The following CTPS1 variants were observed in gnomAD, a reference collection of about 807,000 sequenced individuals.
CTPS1 encodes CTP synthetase 1.
Under a neutral mutation model 80.5 loss-of-function variants are expected in CTPS1, and 25 were observed. That is an observed-to-expected ratio of 0.31 (90% CI 0.23 to 0.43). CTPS1 has a LOEUF of 0.43. CTPS1 is among the 20% of genes least tolerant of loss of function. CTPS1 has a pLI of 1.00. For missense variants in CTPS1, 442 were observed against 725.7 expected, an observed-to-expected ratio of 0.61 and a Z score of 4.49; for synonymous variants, 267 against 252.5, an observed-to-expected ratio of 1.06 and a Z score of -0.54.
Position 40,984,891 on chromosome 1 carries a change from C to T in CTPS1, c.237C>T (p.Asp79=). The T allele has an allele frequency of 1.2e-6, 2 of 1,606,032 alleles. No homozygotes were observed. The highest frequency in any genetic ancestry group is 1.7e-5 in the Admixed American group (1 of 59,312). ...LDLGNYERFL[D]IRLTKDNNLT... is the part of the protein sequence containing the mutation. ...TGGGTAACTATGAGCGGTTCCTTGACATCCGCCTCACCAAGGACAATAATC... is the reference window on the plus strand; with the variant it reads ...TGGGTAACTATGAGCGGTTCCTTGATATCCGCCTCACCAAGGACAATAATC... Residue 79 remains aspartate (D), a synonymous_variant, in exon 3 of 19, where the codon GAC becomes GAT. Transcript: ENST00000650070.
At chr1:41,009,657 T>C in intron 17 of CTPS1, 68 bp downstream of exon 17, 1 of 1,567,994 alleles carries the variant, frequency 6.4e-7, no homozygotes, top group South Asian at 1.1e-5. Context: ...GCTGATTCAT[T>C]ACAGCAACAC....
intron 13 of CTPS1, among the ~76,000 whole-genome samples, chr1:41,006,666 T>G (rs1480485860): frequency 1.3e-5 from 2 of 152,096 alleles, no homozygotes; most frequent in African/African-American, 4.8e-5. Flanking sequence ...TTAATCACCT[T>G]TGAATTCCCA....
At chr1:41,009,310 T>C (rs566259262) in intron 16 of CTPS1, 135 bp from the exon 17 acceptor site, 5 of 932,580 alleles carry the variant, frequency 5.4e-6, no homozygotes, top group Non-Finnish European at 7.8e-6. Context: ...GTTCCCTTTA[T>C]CTAGATTCAA....
chr1:41,010,917 G>T (rs747981245), intron 18 of CTPS1, among the ~76,000 whole-genome samples: 9 of 152,238 alleles, frequency 5.9e-5, no homozygotes, highest in Non-Finnish European at 1.3e-4. Context: ...TGTGTTGGCA[G>T]AAGTACGCAT....
At chr1:41,008,103 C>CT (rs1643080105) in intron 14 of CTPS1, among the ~76,000 whole-genome samples, 1 of 152,180 alleles carries the variant, frequency 6.6e-6, no homozygotes, top group African/African-American at 2.4e-5. Flanking sequence ...GCTGGAGTCA[C>CT]TTGAGTATCG....
chr1:40,991,135 A>AG, intron 5 of CTPS1, 30 bp from the exon 6 acceptor site: 6 of 1,331,196 alleles, frequency 4.5e-6, no homozygotes, highest in Non-Finnish European at 5.3e-6. Flanking sequence ...AGGGAAACTA[A>AG]CTTTTTTTTT....
chr1:40,998,146 C>T (rs923654288), intron 9 of CTPS1, among the ~76,000 whole-genome samples: 2 of 152,096 alleles, frequency 1.3e-5, no homozygotes, highest in Non-Finnish European at 2.9e-5. Flanking sequence ...TGCCTGTAAT[C>T]CCAGCACTTT....
intron 15 of CTPS1, 35 bp downstream of exon 15, chr1:41,008,749 T>C (rs745869354): frequency 4.3e-6 from 7 of 1,613,928 alleles, no homozygotes; most frequent in Non-Finnish European, 8.5e-7. Flanking sequence ...TCTGGAAAGA[T>C]AGTGAGCTGA....
intron 5 of CTPS1, among the ~76,000 whole-genome samples, chr1:40,990,552 A>G (rs1642577384): frequency 1.3e-5 from 2 of 152,002 alleles, no homozygotes; most frequent in Non-Finnish European, 2.9e-5. Context: ...TGGGAGGCAG[A>G]GGTGGGAGGA....
intron 4 of CTPS1, among the ~76,000 whole-genome samples, chr1:40,988,072 C>T (rs544169454): frequency 2.6e-5 from 4 of 152,154 alleles, no homozygotes; most frequent in Non-Finnish European, 4.4e-5. Flanking sequence ...CCACCATGCC[C>T]GGCTAGTTTT....
At chr1:40,993,058 CT>C (rs917349446) in intron 7 of CTPS1, among the ~76,000 whole-genome samples, 7 of 149,036 alleles carry the variant, frequency 4.7e-5, no homozygotes, top group African/African-American at 1.5e-4. Flanking sequence ...AGATTTTTTG[CT>C]TTTTTTTTGA....
intron 1 of CTPS1, chr1:40,982,020 TTG>T (rs1642321367): frequency 7.8e-7 from 1 of 1,288,742 alleles, no homozygotes; most frequent in African/African-American, 1.5e-5. Context: ...TACTTTCTAA[TTG>T]TGTTTTTCAT....
At chr1:40,998,449 G>T (rs1461764818) in intron 9 of CTPS1, among the ~76,000 whole-genome samples, 1 of 151,002 alleles carries the variant, frequency 6.6e-6, no homozygotes, top group African/African-American at 2.4e-5. Flanking sequence ...CGGTGACCAG[G>T]GCTCAGATTC....
chr1:41,008,602 T>C lies in CTPS1; in HGVS notation c.1394-57T>C. ...TAAAGCAGGAAGGAGGATGTCTTTGTGAACGCATCATCCTGTGAGATAAAG... is the reference window on the plus strand; with the variant it reads ...TAAAGCAGGAAGGAGGATGTCTTTGCGAACGCATCATCCTGTGAGATAAAG... On this transcript the variant is annotated intron_variant, in intron 14 of 18. Transcript: ENST00000650070. The C allele has an allele frequency of 1.9e-6, 3 of 1,561,856 alleles. No homozygotes were observed. In the East Asian group the frequency reaches 6.7e-5, roughly 35 times the overall value.
intron 12 of CTPS1, chr1:41,004,345 G>C (rs1253541871): frequency 6.6e-6 from 1 of 152,280 alleles, no homozygotes; most frequent in Non-Finnish European, 1.5e-5. Context: ...CTGAGAGGCT[G>C]CTTCACAGTG....
chr1:40,987,432 T>C lies in CTPS1; in HGVS notation c.398T>C (p.Val133Ala), dbSNP rs1558135973. The change falls in exon 4 of 19, where the codon GTA becomes GCA. Residue 133 changes from valine to alanine, a missense_variant. By Grantham distance (64) the Val-to-Ala change is moderately conservative. Transcript: ENST00000650070. ...GTGATGAGACAGGCGTTAATACCTG[T>C]AGATGAAGATGGCCTGGAACCTCAA... Reference protein sequence around the residue: ...EWVMRQALIPVDEDGLEPQVC... With the variant: ...EWVMRQALIPADEDGLEPQVC... 2 of 1,614,082 alleles carry C rather than the reference T, an allele frequency of 1.2e-6. No individual in the cohort carries two copies. Among genetic ancestry groups the C allele is most frequent in the Non-Finnish European group, 8.5e-7 (1 of 1,179,928 alleles).
intron 7 of CTPS1, among the ~76,000 whole-genome samples, chr1:40,992,590 A>G (rs1182425518): frequency 6.6e-6 from 1 of 152,012 alleles, no homozygotes; most frequent in Non-Finnish European, 1.5e-5. Flanking sequence ...TACATTGAGC[A>G]TGTAGCTTTG....
intron 3 of CTPS1, among the ~76,000 whole-genome samples, chr1:40,985,205 G>C (rs1642422155): frequency 6.6e-6 from 1 of 152,352 alleles, no homozygotes; most frequent in Admixed American, 6.5e-5. Flanking sequence ...ATAATTTGAA[G>C]AACTACTTCT....
rs1275601402 is a variant in CTPS1 at position 40,991,238 on chromosome 1, C to T, written c.629C>T (p.Ser210Phe). Residue 210 changes from serine (S) to phenylalanine (F), a missense_variant, in exon 6 of 19, where the codon TCC (serine) becomes TTC (phenylalanine). By Grantham distance (155) the Ser-to-Phe change is radical. Coordinates refer to ENST00000650070, the MANE Select transcript of CTPS1 (RefSeq NM_001905.4). ...CGGGAACTTAGAGGACTTGGGCTTT[C>T]CCCAGATCTGGTAAGATTTCCTGAT... is the stretch of plus-strand genomic sequence containing the variant. ...SVRELRGLGL[S>F]PDLVVCRCSN... The T allele has an allele frequency of 6.3e-7, 1 of 1,586,602 alleles. No individual in the cohort carries two copies.
Sources: allele counts gnomAD v4.1 joint callset (sites outside exome capture counted in the v4.1 genomes callset), GRCh38; gene constraint gnomAD v4.1.1; transcripts MANE v1.5; gene names NCBI Gene and HGNC (gene_info 2026-07-23, HGNC 2026-07-21).